SEC24A: variants seen among roughly 807,000 people sequenced by gnomAD.
SEC24A encodes SEC24 homolog A, COPII component.
A neutral mutation model predicts 129.4 loss-of-function variants in SEC24A; 93 were observed. The ratio of observed to expected loss-of-function variants is 0.72; its 90% confidence interval spans 0.61 to 0.85. SEC24A has a LOEUF of 0.85. Ranked by LOEUF, SEC24A falls within the 40% of genes least tolerant of loss-of-function variation. The pLI is 0.00. For synonymous variants in SEC24A, 460 were observed against 467.3 expected (o/e 0.98, Z 0.20); for missense variants, 1,264 against 1,307.4 (o/e 0.97, Z 0.51).
At chr5:134,704,440 T>C (rs1752093477) in intron 16 of SEC24A, among the ~76,000 whole-genome samples, 1 of 152,168 alleles carries the variant, frequency 6.6e-6, no homozygotes, top group Non-Finnish European at 1.5e-5. Context: ...AAATTTAGCA[T>C]ATTGTCATTT....
At chr5:134,685,012 C>T (rs1261673125) in intron 9 of SEC24A, among the ~76,000 whole-genome samples, 3 of 152,142 alleles carry the variant, frequency 2.0e-5, no homozygotes, top group African/African-American at 7.2e-5. Flanking sequence ...GACTCTGTAT[C>T]CATGAGTTCT....
chr5:134,702,309 C>G (rs1345093010), intron 15 of SEC24A, among the ~76,000 whole-genome samples: 2 of 152,306 alleles, frequency 1.3e-5, no homozygotes, highest in African/African-American at 2.4e-5. Flanking sequence ...GCCACCATGC[C>G]CAGCATTCTT....
chr5:134,705,913 G>T, intron 17 of SEC24A, among the ~76,000 whole-genome samples: 1 of 145,398 alleles, frequency 6.9e-6, no homozygotes. Flanking sequence ...TTGAGATGGA[G>T]TCTCGCTCTT....
intron 13 of SEC24A, among the ~76,000 whole-genome samples, chr5:134,696,585 G>A (rs1244235393): frequency 2.0e-5 from 3 of 151,954 alleles, no homozygotes; most frequent in Non-Finnish European, 2.9e-5. Context: ...TGCAAGCTCC[G>A]CCTCCTGGGT....
At chr5:134,720,063 A>G (rs1752588156) in intron 20 of SEC24A, among the ~76,000 whole-genome samples, 1 of 152,194 alleles carries the variant, frequency 6.6e-6, no homozygotes, top group Non-Finnish European at 1.5e-5. Flanking sequence ...TTTTTTATAT[A>G]TCTCTAGTGT....
At chr5:134,677,752 G>A (rs1347737711) in intron 7 of SEC24A, among the ~76,000 whole-genome samples, 1 of 151,040 alleles carries the variant, frequency 6.6e-6, no homozygotes, top group African/African-American at 2.4e-5. Flanking sequence ...CAAGGGAATC[G>A]CTTGAACCCG....
Position 134,721,081 on chromosome 5 carries a change from A to T in SEC24A, c.3054A>T (p.Pro1018=). 1 of 1,600,186 alleles carries T rather than the reference A, an allele frequency of 6.2e-7. No individual in the cohort carries two copies. The highest frequency in any genetic ancestry group is 8.6e-7 in the Non-Finnish European group (1 of 1,167,464). Residue 1018 remains proline, a synonymous_variant, in exon 21 of 23, where the codon CCA becomes CCT. Coordinates refer to ENST00000398844, the MANE Select transcript of SEC24A (RefSeq NM_021982.3). ...GAGTTCAAAACTATGCATCAATTCCACAGCCTATGGTAAGACTCTTTTATT... is the reference window on the plus strand; with the variant it reads ...GAGTTCAAAACTATGCATCAATTCCTCAGCCTATGGTAAGACTCTTTTATT... The part of the protein sequence containing the change: ...VLGVQNYASI[P]QPMTDLPELD...
intron 16 of SEC24A, among the ~76,000 whole-genome samples, chr5:134,705,090 A>ATATATATATATATTT (rs1180461537): frequency 3.2e-5 from 4 of 123,302 alleles, no homozygotes; most frequent in African/African-American, 1.2e-4. Context: ...ATATATATAT[A>ATATATATATATATTT]TTTTTTTTTT....
intron 13 of SEC24A, 68 bp from the exon 14 acceptor site, chr5:134,697,058 T>C: frequency 1.1e-6 from 1 of 880,312 alleles, no homozygotes; most frequent in Non-Finnish European, 1.7e-6. Context: ...TGTATGTAGA[T>C]GTGTATTTAG....
chr5:134,695,625 A>G (rs1322471048), intron 13 of SEC24A, among the ~76,000 whole-genome samples: 1 of 151,836 alleles, frequency 6.6e-6, no homozygotes, highest in Non-Finnish European at 1.5e-5. Context: ...TCTCTACTAA[A>G]AATACAAAAA....
intron 1 of SEC24A, among the ~76,000 whole-genome samples, chr5:134,651,906 T>G (rs1048329486): frequency 1.3e-5 from 2 of 152,068 alleles, no homozygotes; most frequent in African/African-American, 4.8e-5. Context: ...AAAGCAGTAG[T>G]TGATGCTTGC....
At chr5:134,652,778 T>A (rs992755481) in intron 1 of SEC24A, among the ~76,000 whole-genome samples, 7 of 151,914 alleles carry the variant, frequency 4.6e-5, no homozygotes, top group Non-Finnish European at 8.8e-5. Flanking sequence ...GTATTTTGTT[T>A]GTTTGTTTTG....
chr5:134,682,929 T>C (rs1474195997), intron 9 of SEC24A, among the ~76,000 whole-genome samples: 1 of 152,190 alleles, frequency 6.6e-6, no homozygotes, highest in East Asian at 1.9e-4. Context: ...GTAATTAATA[T>C]ATAAGGGTAT....
chr5:134,711,117 C>T (rs1274696520), intron 18 of SEC24A, among the ~76,000 whole-genome samples: 1 of 151,996 alleles, frequency 6.6e-6, no homozygotes, highest in Non-Finnish European at 1.5e-5. Flanking sequence ...GCCTGGGTGA[C>T]AAAGCGAGAC....
Position 134,676,137 on chromosome 5 carries a change from T to C in SEC24A, c.1254+12T>C, listed in dbSNP as rs768659379. 4 of 1,583,128 alleles carry C rather than the reference T, an allele frequency of 2.5e-6. No individual in the cohort carries two copies. Among genetic ancestry groups the C allele is most frequent in the Non-Finnish European group, 2.6e-6 (3 of 1,166,874 alleles). On this transcript the variant is annotated intron_variant, in intron 7 of 22. Transcript: ENST00000398844. ...TCAAAGACTTAGTGGTATGTTTCTT[T>C]TCTTTTCTTTTTTTTTTTTTGAGAC...
chr5:134,650,697 C>T (rs1750018390), intron 1 of SEC24A, among the ~76,000 whole-genome samples: 1 of 151,868 alleles, frequency 6.6e-6, no homozygotes, highest in South Asian at 2.1e-4. Context: ...ATCCACGGTA[C>T]CCAGACCTCT....
At chr5:134,717,964 G>A (rs1180812469) in intron 19 of SEC24A, 105 bp from the exon 20 acceptor site, 1 of 747,038 alleles carries the variant, frequency 1.3e-6, no homozygotes, top group Non-Finnish European at 2.3e-6. Flanking sequence ...CCTAAGCAAG[G>A]CCCAGACTTG....
chr5:134,717,501 C>G (rs958242213), intron 19 of SEC24A, among the ~76,000 whole-genome samples: 4 of 151,940 alleles, frequency 2.6e-5, no homozygotes, highest in African/African-American at 9.7e-5. Flanking sequence ...GAGTGAAACT[C>G]TGTCTCAAAA....
chr5:134,652,565 C>T (rs188308862), intron 1 of SEC24A, among the ~76,000 whole-genome samples: 25 of 151,980 alleles, frequency 1.6e-4, no homozygotes, highest in Admixed American at 7.2e-4. Flanking sequence ...GGATTACAGG[C>T]GTGAGCCACT....
Sources: allele counts gnomAD v4.1 joint callset (sites outside exome capture counted in the v4.1 genomes callset), GRCh38; gene constraint gnomAD v4.1.1; transcripts MANE v1.5; gene names NCBI Gene and HGNC (gene_info 2026-07-23, HGNC 2026-07-21).